Variants in UAP1L1 observed in about 807,000 individuals in gnomAD.
UAP1L1 encodes the protein UDP-N-acetylhexosamine pyrophosphorylase-like protein 1.
A neutral mutation model predicts 45.3 loss-of-function variants in UAP1L1; 45 were observed. That is an observed-to-expected ratio of 0.99 (90% CI 0.78 to 1.27). UAP1L1 has a LOEUF of 1.27. Ranked by LOEUF, UAP1L1 falls within the 50% of genes most tolerant of loss-of-function variation. The pLI, the probability that UAP1L1 is intolerant of heterozygous loss-of-function variation, is 0.00. For missense variants in UAP1L1, 667 were observed against 694.0 expected (o/e 0.96, Z 0.44); for synonymous variants, 323 against 303.9 (o/e 1.06, Z -0.65).
rs1414936141 is a variant in UAP1L1, at chr9:137,082,847, C to T, written c.*118C>T. On this transcript the variant is annotated 3_prime_UTR_variant, in exon 9 of 9. Coordinates refer to ENST00000409858, the MANE Select transcript of UAP1L1 (RefSeq NM_207309.3). This position sits in a 1 kb window ranked among gnomAD's most constrained non-coding sequence, Gnocchi z 5.7. ...CTGGAGCTGGGGGCTACAGCCCAGC[C>T]TGAGCTCTGGGTGGGAAAGCAGCCT... 1.3e-6 allele frequency: 1 copy of T among 790,006 alleles called. No individual in the cohort carries two copies. Among genetic ancestry groups the T allele is most frequent in the East Asian group, 2.7e-5 (1 of 37,130 alleles). 48.9% of individuals were successfully genotyped at this position (790,006 alleles called of 1,614,324 possible).
In UAP1L1 at chr9:137,079,618, C is replaced by A. The variant is rs563585222; in HGVS notation, c.1037+169C>A. On this transcript the variant is annotated intron_variant, in intron 5 of 8. Coordinates refer to ENST00000409858, the MANE Select transcript of UAP1L1 (RefSeq NM_207309.3). ...GGGTGGAGAATGGATCCTGAGCTTGCAAAGGCAGAGGTGCTGGAGATCAGG... is the reference window on the plus strand; with the variant it reads ...GGGTGGAGAATGGATCCTGAGCTTGAAAAGGCAGAGGTGCTGGAGATCAGG... 54 of 650,416 alleles carry A rather than the reference C, an allele frequency of 8.3e-5. No individual in the cohort carries two copies. The African/African-American group carries it at 9.2e-4, about 11-fold the overall frequency. The allele number at this position is 650,416 out of a possible 1,614,324, so 40.3% of individuals were successfully genotyped here.
chr9:137,079,279 G>A lies in UAP1L1; in HGVS notation c.867G>A (p.Glu289=). ...GAKVVEKAYP[E]EPVGVVCQVD... The stretch of plus-strand genomic sequence containing the variant: ...AGGTGGTGGAAAAGGCATACCCCGA[G>A]GAGCCCGTGGGCGTGGTGTGCCAGG... The change falls in exon 5 of 9, where the codon GAG becomes GAA. Residue 289 remains glutamate (E), a synonymous_variant. Transcript: ENST00000409858. 1 of 1,611,522 alleles carries A rather than the reference G, an allele frequency of 6.2e-7. No individual in the cohort carries two copies. Among genetic ancestry groups the A allele is most frequent in the Non-Finnish European group, 8.5e-7 (1 of 1,178,780 alleles).
chr9:137,082,167 G>C lies in UAP1L1; in HGVS notation c.1431+103G>C. The C allele has an allele frequency of 8.7e-7, 1 of 1,150,168 alleles. No homozygotes were observed. The allele number at this position is 1,150,168 out of a possible 1,614,324, so 71.2% of individuals were successfully genotyped here. A position where few individuals can be genotyped will look rare whatever the true frequency, so the allele number is the denominator to read the frequency against. ...GGTGGAGACGGCACAGCTCTACCTC[G>C]GTTAACCAATGGGGTCGGTGGTTTA... is the stretch of plus-strand genomic sequence containing the variant. On this transcript the variant is annotated intron_variant, in intron 8 of 8. Transcript: ENST00000409858. The surrounding 1 kb of genome is among the most constrained non-coding windows in gnomAD (Gnocchi z 5.7).
In UAP1L1 at chr9:137,082,636, G is replaced by C; in HGVS notation, c.1432-1G>C. On this transcript the variant is annotated splice_acceptor_variant, in intron 8 of 8. Coordinates refer to ENST00000409858, the MANE Select transcript of UAP1L1 (RefSeq NM_207309.3). LOFTEE classifies it high-confidence loss of function. The surrounding 1 kb of genome is among the most constrained non-coding windows in gnomAD (Gnocchi z 5.7). ...GGCCATTGTCCCCTGCTCGTCTCCA[G>C]GGTTTAGAAGTGTACCTGCAAGGCC... The C allele has an allele frequency of 6.4e-7, 1 of 1,551,712 alleles. No homozygotes were observed. The highest frequency in any genetic ancestry group is 8.7e-7 in the Non-Finnish European group (1 of 1,147,022).
In UAP1L1 at chr9:137,077,617, G is replaced by C. The variant is rs1206208068; in HGVS notation, c.85G>C (p.Glu29Gln). ...LLRFWAELAP[E>Q]PRAALLAELA... ...GCGCTTCTGGGCCGAGCTGGCGCCG[G>C]AGCCACGAGCCGCGCTGCTGGCGGA... Residue 29 changes from glutamate (E) to glutamine (Q), a missense_variant, in exon 1 of 9, where the codon GAG (glutamate) becomes CAG (glutamine). Physicochemically the swap from Glu to Gln is conservative, Grantham distance 29 (BLOSUM62 2). Transcript: ENST00000409858. The surrounding 1 kb of genome is among the most constrained non-coding windows in gnomAD (Gnocchi z 4.7). 2 of 1,339,286 alleles carry C rather than the reference G, an allele frequency of 1.5e-6. No individual in the cohort carries two copies. The highest frequency in any genetic ancestry group is 1.9e-6 in the Non-Finnish European group (2 of 1,033,434). The allele number at this position is 1,339,286 out of a possible 1,614,324, so 83.0% of individuals were successfully genotyped here.
intron 5 of UAP1L1, chr9:137,079,778 G>T (rs1339826843): frequency 6.4e-6 from 4 of 621,842 alleles, no homozygotes; most frequent in African/African-American, 5.5e-5. Flanking sequence ...GCCTGGGCAG[G>T]GATGTGGCTG....
At chr9:137,081,441 T>C (rs1308913065) in intron 7 of UAP1L1, among the ~76,000 whole-genome samples, 2 of 151,944 alleles carry the variant, frequency 1.3e-5, no homozygotes, top group African/African-American at 4.8e-5. Flanking sequence ...CTCAAACTCC[T>C]GACCTGTGAT....
chr9:137,080,725 A>G lies in UAP1L1; in HGVS notation c.1215A>G (p.Glu405=). The change falls in exon 7 of 9, where the codon GAA becomes GAG. Residue 405 remains glutamate, a synonymous_variant. Coordinates refer to ENST00000409858, the MANE Select transcript of UAP1L1 (RefSeq NM_207309.3). ...FAALEVLREE[E]FSPLKNAEPA... is the part of the protein sequence containing the mutation. ...CCTTGGAAGTGCTGCGGGAGGAGGA[A>G]TTTTCCCCACTGAAGAACGCAGAGC... The G allele has an allele frequency of 6.2e-7, 1 of 1,612,404 alleles. No homozygotes were observed. The highest frequency in any genetic ancestry group is 8.5e-7 in the Non-Finnish European group (1 of 1,179,714).
At position 137,082,689 on chromosome 9, in the gene UAP1L1, A is replaced by G; in HGVS notation, c.1484A>G (p.Asp495Gly). The change falls in exon 9 of 9, where the codon GAT (aspartate) becomes GGT (glycine). Residue 495 changes from aspartate (D) to glycine (G), a missense_variant. Asp to Gly is a moderately conservative substitution (Grantham distance 94). Transcript: ENST00000409858. The surrounding 1 kb of genome is among the most constrained non-coding windows in gnomAD (Gnocchi z 5.7). ...GAGTTCCAGTCCCCGCTCATCCTGG[A>G]TGAAGACCAGGCCAGGGAGCCGCAG... ...GREFQSPLIL[D>G]EDQAREPQLQ... The G allele has an allele frequency of 6.4e-7, 1 of 1,551,898 alleles. No individual in the cohort carries two copies. The highest frequency in any genetic ancestry group is 8.7e-7 in the Non-Finnish European group (1 of 1,147,480).
intron 6 of UAP1L1, 84 bp downstream of exon 6, chr9:137,080,226 T>G (rs1359955978): frequency 2.6e-6 from 4 of 1,563,906 alleles, no homozygotes; most frequent in Non-Finnish European, 3.5e-6. Flanking sequence ...GGTAGGGAAG[T>G]AGAGGCTTGA....
At position 137,078,514 on chromosome 9, in the gene UAP1L1, C is replaced by T. The variant is rs113582148; in HGVS notation, c.507C>T (p.Thr169=). ...TRCTVPWYVM[T]SEFTLGPTAE... is the part of the protein sequence containing the mutation. Reference sequence around the variant, plus strand: ...GCCTCCCTTGCAGGTACGTCATGACCAGCGAGTTCACTCTGGGGCCCACGG... The same window carrying T: ...GCCTCCCTTGCAGGTACGTCATGACTAGCGAGTTCACTCTGGGGCCCACGG... Residue 169 remains threonine (T), a synonymous_variant, in exon 3 of 9, where the codon ACC becomes ACT. Transcript: ENST00000409858. The T allele has an allele frequency of 7.3e-4, 1,181 of 1,613,086 alleles. 10 individuals carry two copies. In the Middle Eastern group the frequency reaches 0.028, roughly 38 times the overall value.
intron 6 of UAP1L1, chr9:137,080,450 T>C (rs1832772413): frequency 1.7e-6 from 1 of 598,108 alleles, no homozygotes. Context: ...GCAGGGCCTT[T>C]GGCCCTCACT....
At chr9:137,081,661 A>C (rs887309456) in intron 7 of UAP1L1, among the ~76,000 whole-genome samples, 7 of 152,156 alleles carry the variant, frequency 4.6e-5, no homozygotes, top group Admixed American at 1.3e-4. Flanking sequence ...CCGGGCATGA[A>C]TTTAGAAAGT....
Position 137,077,834 on chromosome 9 carries a change from G to A in UAP1L1, c.289+13G>A, listed in dbSNP as rs1440819621. The A allele has an allele frequency of 1.5e-5, 21 of 1,419,062 alleles. No individual in the cohort carries two copies. The highest frequency in any genetic ancestry group is 1.8e-5 in the Non-Finnish European group (20 of 1,091,724). 87.9% of individuals were successfully genotyped at this position (1,419,062 alleles called of 1,614,324 possible). A position where few individuals can be genotyped will look rare whatever the true frequency, so the allele number is the denominator to read the frequency against. Reference sequence around the variant, plus strand: ...TGGGAGGAGGAAGGTAAGCGGGGTGGGAGGCCCTGGGGGCCGGCAGGGGGT... The same window carrying A: ...TGGGAGGAGGAAGGTAAGCGGGGTGAGAGGCCCTGGGGGCCGGCAGGGGGT... On this transcript the variant is annotated intron_variant, in intron 1 of 8. Coordinates refer to ENST00000409858, the MANE Select transcript of UAP1L1 (RefSeq NM_207309.3). This position sits in a 1 kb window ranked among gnomAD's most constrained non-coding sequence, Gnocchi z 4.7.
chr9:137,077,624 G>A lies in UAP1L1; in HGVS notation c.92G>A (p.Arg31Gln). ...RFWAELAPEP[R>Q]AALLAELALL... ...TGGGCCGAGCTGGCGCCGGAGCCACGAGCCGCGCTGCTGGCGGAGCTGGCG... is the reference window on the plus strand; with the variant it reads ...TGGGCCGAGCTGGCGCCGGAGCCACAAGCCGCGCTGCTGGCGGAGCTGGCG... Residue 31 changes from arginine to glutamine, a missense_variant, in exon 1 of 9, where the codon CGA (arginine) becomes CAA (glutamine). Coordinates refer to ENST00000409858, the MANE Select transcript of UAP1L1 (RefSeq NM_207309.3). The surrounding 1 kb of genome is among the most constrained non-coding windows in gnomAD (Gnocchi z 4.7). The A allele has an allele frequency of 7.5e-7, 1 of 1,334,598 alleles. No individual in the cohort carries two copies. The highest frequency in any genetic ancestry group is 9.7e-7 in the Non-Finnish European group (1 of 1,030,642). The allele number at this position is 1,334,598 out of a possible 1,614,324, so 82.7% of individuals were successfully genotyped here.
chr9:137,081,125 C>T (rs1282811535), intron 7 of UAP1L1, among the ~76,000 whole-genome samples: 1 of 152,240 alleles, frequency 6.6e-6, no homozygotes, highest in Non-Finnish European at 1.5e-5. Flanking sequence ...CCCCAACTCC[C>T]TCCCCAACTT....
chr9:137,080,778 C>A lies in UAP1L1; in HGVS notation c.1268C>A (p.Ala423Asp). Residue 423 changes from alanine to aspartate, a missense_variant, in exon 7 of 9, where the codon GCT (alanine) becomes GAT (aspartate). Ala to Asp is a moderately radical substitution (Grantham distance 126, BLOSUM62 -2). Coordinates refer to ENST00000409858, the MANE Select transcript of UAP1L1 (RefSeq NM_207309.3). ...GCCGACAGGGACAGTCCCCGCACCG[C>A]TCGCCAGGCCCTGCTCACCCAGCAC... Reference protein sequence around the residue: ...EPADRDSPRTARQALLTQHYR... With the variant: ...EPADRDSPRTDRQALLTQHYR... 6.2e-7 allele frequency: 1 copy of A among 1,612,736 alleles called. No individual in the cohort carries two copies. Among genetic ancestry groups the A allele is most frequent in the Non-Finnish European group, 8.5e-7 (1 of 1,179,960 alleles).
In UAP1L1 at chr9:137,084,047, TG is replaced by T. The variant is rs1832830499; in HGVS notation, c.*1319del. ...ATTTTTGAAACCAAAGCCCAGAAGATGATGTTTACTTCTCTCTCCCTGGCTC... is the reference window on the plus strand; with the variant it reads ...ATTTTTGAAACCAAAGCCCAGAAGATATGTTTACTTCTCTCTCCCTGGCTC... On this transcript the variant is annotated 3_prime_UTR_variant, in exon 9 of 9. Transcript: ENST00000409858. The T allele has an allele frequency of 6.6e-6, 1 of 152,528 alleles. No homozygotes were observed. Among genetic ancestry groups the T allele is most frequent in the African/African-American group, 2.4e-5 (1 of 41,474 alleles). The allele number at this position is 152,528 out of a possible 1,614,324, so 9.4% of individuals were successfully genotyped here.
In UAP1L1 at chr9:137,080,781, G is replaced by T. The variant is rs772632433; in HGVS notation, c.1271G>T (p.Arg424Leu). Reference sequence around the variant, plus strand: ...GACAGGGACAGTCCCCGCACCGCTCGCCAGGCCCTGCTCACCCAGCACTAC... The same window carrying T: ...GACAGGGACAGTCCCCGCACCGCTCTCCAGGCCCTGCTCACCCAGCACTAC... ...PADRDSPRTA[R>L]QALLTQHYRW... The change falls in exon 7 of 9, where the codon CGC becomes CTC. Residue 424 changes from arginine (R) to leucine (L), a missense_variant. By Grantham distance (102) the Arg-to-Leu change is moderately radical. Coordinates refer to ENST00000409858, the MANE Select transcript of UAP1L1 (RefSeq NM_207309.3). 6.2e-7 allele frequency: 1 copy of T among 1,612,460 alleles called. No individual in the cohort carries two copies. Among genetic ancestry groups the T allele is most frequent in the East Asian group, 2.2e-5 (1 of 44,890 alleles).
Sources: allele counts gnomAD v4.1 joint callset (sites outside exome capture counted in the v4.1 genomes callset), GRCh38; gene constraint gnomAD v4.1.1; non-coding constraint Gnocchi (gnomAD v3.1); transcripts MANE v1.5; gene names NCBI Gene and HGNC (gene_info 2026-07-23, HGNC 2026-07-21).